The following MED27 variants were observed in gnomAD, a reference collection of about 807,000 sequenced individuals.
The protein encoded by MED27 is mediator complex subunit 27, also known as mediator of RNA polymerase II transcription subunit 27.
In MED27, 30 loss-of-function variants were observed where a neutral mutation model predicts 38.2. The ratio of observed to expected loss-of-function variants is 0.79; its 90% confidence interval spans 0.59 to 1.07. The LOEUF (loss-of-function observed/expected upper bound fraction) is 1.07. MED27 is among the 50% of genes least tolerant of loss of function. The probability of loss-of-function intolerance (pLI) is 0.00; values close to 1 mark genes in which losing one functional copy is unlikely to be tolerated. For missense variants in MED27, 289 were observed against 397.5 expected (o/e 0.73, Z 2.32); for synonymous variants, 122 against 153.5 (o/e 0.79, Z 1.52).
At chr9:131,985,745 C>T (rs1324473461) in intron 3 of MED27, among the ~76,000 whole-genome samples, 4 of 151,414 alleles carry the variant, frequency 2.6e-5, no homozygotes, top group Admixed American at 6.6e-5. Flanking sequence ...AAACAGTTGA[C>T]TGTAAAACAT....
At chr9:132,064,088 A>G (rs1358575359) in intron 2 of MED27, among the ~76,000 whole-genome samples, 1 of 152,228 alleles carries the variant, frequency 6.6e-6, no homozygotes, top group Non-Finnish European at 1.5e-5. Flanking sequence ...CACAAACAAC[A>G]TGGATGATGT....
chr9:131,920,498 T>C (rs1292490395), intron 4 of MED27, among the ~76,000 whole-genome samples: 1 of 152,134 alleles, frequency 6.6e-6, no homozygotes, highest in African/African-American at 2.4e-5. Context: ...TTGGGACATA[T>C]CAATGAACAA....
chr9:132,067,752 C>T (rs1833840888), intron 2 of MED27, among the ~76,000 whole-genome samples: 1 of 152,178 alleles, frequency 6.6e-6, no homozygotes, highest in South Asian at 2.1e-4. Context: ...TGCTCTGTCG[C>T]CCAGGCTGGA....
intron 2 of MED27, among the ~76,000 whole-genome samples, chr9:132,027,249 T>C (rs999188078): frequency 6.6e-6 from 1 of 152,254 alleles, no homozygotes; most frequent in African/African-American, 2.4e-5. Flanking sequence ...GTAGTAAGGG[T>C]CCACTCTGTG....
intron 3 of MED27, among the ~76,000 whole-genome samples, chr9:131,994,572 G>A (rs1392815138): frequency 2.0e-5 from 3 of 152,230 alleles, no homozygotes; most frequent in Non-Finnish European, 4.4e-5. Flanking sequence ...ATCAGGCAGG[G>A]AGCCCTGATT....
chr9:131,887,836 T>C (rs763042774), intron 5 of MED27, among the ~76,000 whole-genome samples: 7 of 152,280 alleles, frequency 4.6e-5, no homozygotes, highest in South Asian at 2.1e-4. Context: ...CTTGTGGTAA[T>C]TGGTGGCTGA....
At chr9:131,951,644 A>T (rs1295490282) in intron 3 of MED27, among the ~76,000 whole-genome samples, 3 of 152,244 alleles carry the variant, frequency 2.0e-5, no homozygotes, top group African/African-American at 7.2e-5. Flanking sequence ...TCTTCACATA[A>T]TCATTATGAG....
rs1282982498 is a variant in MED27 at position 132,051,586 on chromosome 9, G to A, written c.348+25856C>T. Among the ~76,000 whole-genome samples, 1 of 152,220 alleles carries A rather than the reference G, an allele frequency of 6.6e-6. No homozygotes were observed. The highest frequency in any genetic ancestry group is 1.5e-5 in the Non-Finnish European group (1 of 68,044). On this transcript the variant is annotated intron_variant, in intron 2 of 7. Transcript: ENST00000292035. The surrounding 1 kb of genome is among the most constrained non-coding windows in gnomAD (Gnocchi z 4.2). ...CAAGCACTCATCTACATGGCCCAAG[G>A]TTCCTTCCAGCCTCCAGATCTGTGT...
chr9:132,065,606 C>T (rs113341870), intron 2 of MED27, among the ~76,000 whole-genome samples: 1 of 152,222 alleles, frequency 6.6e-6, no homozygotes, highest in Non-Finnish European at 1.5e-5. Flanking sequence ...TAGAGCTTAA[C>T]GCACACAAGG....
chr9:131,930,418 ACCTCTCAG>A (rs1345346586), intron 4 of MED27, among the ~76,000 whole-genome samples: 1 of 152,178 alleles, frequency 6.6e-6, no homozygotes, highest in East Asian at 1.9e-4. Context: ...CTGGCAGCAG[ACCTCTCAG>A]TGGAAACCTT....
At chr9:131,989,523 C>T (rs1831926470) in intron 3 of MED27, among the ~76,000 whole-genome samples, 1 of 152,146 alleles carries the variant, frequency 6.6e-6, no homozygotes, top group Admixed American at 6.5e-5. Flanking sequence ...CCATCCTAAC[C>T]ATTTTTAAAA....
chr9:131,880,287 C>G (rs927763873), intron 6 of MED27, among the ~76,000 whole-genome samples: 2 of 151,924 alleles, frequency 1.3e-5, no homozygotes, highest in African/African-American at 4.8e-5. Context: ...TAATTCTGTA[C>G]ATTATTTTCC....
chr9:131,987,397 G>T (rs181736989), intron 3 of MED27, among the ~76,000 whole-genome samples: 2 of 152,246 alleles, frequency 1.3e-5, no homozygotes, highest in African/African-American at 4.8e-5. Flanking sequence ...CCCTAAAGTA[G>T]CAAAGCGGAG....
chr9:132,059,529 G>A (rs187489194), intron 2 of MED27, among the ~76,000 whole-genome samples: 1 of 152,370 alleles, frequency 6.6e-6, no homozygotes, highest in African/African-American at 2.4e-5. Flanking sequence ...GGCAGGTGAT[G>A]GGGCCGAGAG....
chr9:131,867,976 A>T (rs373522174), intron 6 of MED27, among the ~76,000 whole-genome samples: 93 of 152,282 alleles, frequency 6.1e-4, no homozygotes, highest in East Asian at 3.9e-3. Flanking sequence ...AGGGCTGGGC[A>T]TTTGATTCTG....
At position 132,077,540 on chromosome 9, in the gene MED27, G is replaced by A. The variant is rs749506898; in HGVS notation, c.250C>T (p.His84Tyr). The change falls in exon 2 of 8, where the codon CAT becomes TAT. Residue 84 changes from histidine (H) to tyrosine (Y), a missense_variant. Transcript: ENST00000292035. ...SNLVGKPSEN[H>Y]PLHNSGLLSL... Reference sequence around the variant, plus strand: ...AACAGCCCACTGTTATGAAGAGGATGGTTCTCAGATGGCTTGCCTACCAGA... The same window carrying A: ...AACAGCCCACTGTTATGAAGAGGATAGTTCTCAGATGGCTTGCCTACCAGA... 6.2e-7 allele frequency: 1 copy of A among 1,614,128 alleles called. No homozygotes were observed. Among genetic ancestry groups the A allele is most frequent in the Non-Finnish European group, 8.5e-7 (1 of 1,180,004 alleles).
chr9:131,994,193 T>G (rs1035795631), intron 3 of MED27, among the ~76,000 whole-genome samples: 10 of 152,326 alleles, frequency 6.6e-5, no homozygotes, highest in Non-Finnish European at 1.0e-4. Context: ...AAAATTAGCC[T>G]TGTTATACAT....
At chr9:131,919,391 A>G (rs1050186252) in intron 4 of MED27, among the ~76,000 whole-genome samples, 7 of 152,018 alleles carry the variant, frequency 4.6e-5, no homozygotes, top group Non-Finnish European at 7.4e-5. Flanking sequence ...CTGAGGGCCA[A>G]GTGGGTGGCA....
intron 2 of MED27, among the ~76,000 whole-genome samples, chr9:132,021,407 A>T (rs924141581): frequency 3.2e-4 from 19 of 60,126 alleles, no homozygotes; most frequent in Non-Finnish European, 3.6e-5. Flanking sequence ...TGGAAGAAAC[A>T]ACCATCATAG....
Sources: gnomAD v4.1 joint callset for allele counts (sites outside exome capture counted in the v4.1 genomes callset) on GRCh38, gnomAD v4.1.1 for gene constraint, Gnocchi (gnomAD v3.1) non-coding constraint, MANE v1.5 for transcripts, NCBI Gene and HGNC (gene_info 2026-07-23, HGNC 2026-07-21) for gene names.